COMMD8: variants seen among roughly 807,000 people sequenced by gnomAD.
COMMD8 encodes COMM domain containing 8, also known as COMM domain-containing protein 8.
COMMD8 carries 28 observed loss-of-function variants against 27.2 expected under a neutral mutation model. The observed-to-expected ratio is 1.03, with a 90% CI of 0.76 to 1.41. COMMD8 has a LOEUF of 1.41. Ranked by LOEUF, COMMD8 falls within the 40% of genes most tolerant of loss-of-function variation. The pLI is 0.00. For synonymous variants in COMMD8, 79 were observed against 75.5 expected (o/e 1.05, Z -0.24); for missense variants, 217 against 211.2 (o/e 1.03, Z -0.17).
chr4:47,462,645 T>C (rs570770198), intron 1 of COMMD8, among the ~76,000 whole-genome samples: 4 of 152,232 alleles, frequency 2.6e-5, no homozygotes, highest in South Asian at 4.1e-4. Flanking sequence ...CTTATCTAAA[T>C]GGGTAGAGTG....
rs1027067790 is a variant in COMMD8 at position 47,451,593 on chromosome 4, C to T, written c.*52G>A. On this transcript the variant is annotated 3_prime_UTR_variant, in exon 5 of 5. Coordinates refer to ENST00000381571, the MANE Select transcript of COMMD8 (RefSeq NM_017845.5). ...TCTGAACACGCAGTATTCACTCTGC[C>T]ATATAAGTTGGAGCAATAAAATCTG... 3.5e-6 allele frequency: 5 copies of T among 1,445,238 alleles called. No homozygotes were observed. Among genetic ancestry groups the T allele is most frequent in the Non-Finnish European group, 4.8e-6 (5 of 1,032,678 alleles). 89.5% of individuals were successfully genotyped at this position (1,445,238 alleles called of 1,614,324 possible).
At chr4:47,459,208 G>A (rs1308129599) in intron 2 of COMMD8, among the ~76,000 whole-genome samples, 1 of 152,004 alleles carries the variant, frequency 6.6e-6, no homozygotes, top group Non-Finnish European at 1.5e-5. Context: ...AGAGTAAAAA[G>A]GCAAGCACAT....
At chr4:47,459,266 A>C (rs1729961249) in intron 2 of COMMD8, among the ~76,000 whole-genome samples, 1 of 152,168 alleles carries the variant, frequency 6.6e-6, no homozygotes, top group Admixed American at 6.5e-5. Flanking sequence ...GCTTATATCC[A>C]GAATATCAAC....
At chr4:47,459,693 C>T (rs1181577543) in intron 2 of COMMD8, among the ~76,000 whole-genome samples, 1 of 152,066 alleles carries the variant, frequency 6.6e-6, no homozygotes, top group Non-Finnish European at 1.5e-5. Context: ...TGACACACCC[C>T]AAATAATTTC....
chr4:47,452,901 C>T (rs1258759622), intron 4 of COMMD8, among the ~76,000 whole-genome samples, 158 bp downstream of exon 4: 1 of 152,180 alleles, frequency 6.6e-6, no homozygotes, highest in Non-Finnish European at 1.5e-5. Context: ...GAGGCTCAGG[C>T]ACGAGAATCG....
chr4:47,461,429 C>G (rs1334713796), intron 1 of COMMD8, among the ~76,000 whole-genome samples: 1 of 152,068 alleles, frequency 6.6e-6, no homozygotes, highest in Non-Finnish European at 1.5e-5. Flanking sequence ...ATATACTATA[C>G]AAACTGAATT....
chr4:47,463,547 C>G (rs1459169707), intron 1 of COMMD8, 39 bp downstream of exon 1: 1 of 1,531,790 alleles, frequency 6.5e-7, no homozygotes, highest in Non-Finnish European at 8.8e-7. Context: ...TGTCGCGAAT[C>G]CCAGGCCCCG....
intron 3 of COMMD8, among the ~76,000 whole-genome samples, chr4:47,454,581 T>C (rs1262708478): frequency 1.3e-5 from 2 of 152,130 alleles, no homozygotes; most frequent in Non-Finnish European, 2.9e-5. Flanking sequence ...AGAACTGCAA[T>C]TCTGTCAGGC....
At chr4:47,459,042 C>G (rs1161598323) in intron 2 of COMMD8, among the ~76,000 whole-genome samples, 2 of 151,986 alleles carry the variant, frequency 1.3e-5, no homozygotes, top group African/African-American at 4.8e-5. Flanking sequence ...AAAGCTAAAA[C>G]AATCAAGCTT....
intron 3 of COMMD8, among the ~76,000 whole-genome samples, chr4:47,453,765 T>C (rs773866459): frequency 2.6e-5 from 4 of 152,214 alleles, no homozygotes; most frequent in Admixed American, 6.5e-5. Flanking sequence ...CCTAGGGGAA[T>C]TGGAAGAACC....
At chr4:47,461,075 G>A (rs2109358190) in intron 1 of COMMD8, among the ~76,000 whole-genome samples, 1 of 152,266 alleles carries the variant, frequency 6.6e-6, no homozygotes, top group African/African-American at 2.4e-5. Context: ...CTTGCTGTAA[G>A]GATGGAATAA....
chr4:47,460,752 C>T (rs1403899040), intron 1 of COMMD8, among the ~76,000 whole-genome samples: 1 of 152,068 alleles, frequency 6.6e-6, no homozygotes, highest in African/African-American at 2.4e-5. Context: ...GCAATTTTCC[C>T]ATCTCAGCCT....
chr4:47,459,613 A>C (rs1219850683), intron 2 of COMMD8, among the ~76,000 whole-genome samples: 1 of 152,178 alleles, frequency 6.6e-6, no homozygotes, highest in Non-Finnish European at 1.5e-5. Context: ...TATCAATGTA[A>C]AACACAATGC....
Position 47,456,582 on chromosome 4 carries a change from C to T in COMMD8, c.370G>A (p.Val124Ile). ...SAQLQDFDWQ[V>I]KLALSSDKIA... ...ACATACTCATAGACTCTTACCTTTACCTGCCAATCAAAATCCTGTAGCTGT... is the reference window on the plus strand; with the variant it reads ...ACATACTCATAGACTCTTACCTTTATCTGCCAATCAAAATCCTGTAGCTGT... The change falls in exon 3 of 5, where the codon GTA becomes ATA. Residue 124 changes from valine to isoleucine, a missense_variant. By Grantham distance (29) the Val-to-Ile change is conservative (BLOSUM62 3). Coordinates refer to ENST00000381571, the MANE Select transcript of COMMD8 (RefSeq NM_017845.5). The T allele has an allele frequency of 6.2e-7, 1 of 1,603,994 alleles. No individual in the cohort carries two copies.
chr4:47,453,880 A>G (rs1729819693), intron 3 of COMMD8, among the ~76,000 whole-genome samples: 1 of 152,210 alleles, frequency 6.6e-6, no homozygotes, highest in Admixed American at 6.5e-5. Context: ...AAAAATCCAC[A>G]AAAACTGAAT....
rs1729986258 is a variant in COMMD8, at chr4:47,460,152, C to T, written c.214G>A (p.Asp72Asn). Residue 72 changes from aspartate (D) to asparagine (N), a missense_variant, in exon 2 of 5, where the codon GAT becomes AAT. By Grantham distance (23) the Asp-to-Asn change is conservative. Transcript: ENST00000381571. ...ATGTGCAGAGAAGTTACCTCTTCATCAGGTAAGTTTTTACCAACTATGGCT... is the reference window on the plus strand; with the variant it reads ...ATGTGCAGAGAAGTTACCTCTTCATTAGGTAAGTTTTTACCAACTATGGCT... ...FKAIVGKNLPDEEIFQQLNQL... is the reference protein window; with the variant it reads ...FKAIVGKNLPNEEIFQQLNQL... 3 of 1,612,154 alleles carry T rather than the reference C, an allele frequency of 1.9e-6. No individual in the cohort carries two copies. Among genetic ancestry groups the T allele is most frequent in the Non-Finnish European group, 2.5e-6 (3 of 1,179,178 alleles).
intron 3 of COMMD8, among the ~76,000 whole-genome samples, chr4:47,454,637 G>A (rs954557299): frequency 2.6e-5 from 4 of 151,940 alleles, no homozygotes; most frequent in Non-Finnish European, 4.4e-5. Context: ...AGGCTGAGGT[G>A]GGCAGATCAC....
At chr4:47,460,635 A>G (rs1038438789) in intron 1 of COMMD8, among the ~76,000 whole-genome samples, 1 of 152,176 alleles carries the variant, frequency 6.6e-6, no homozygotes, top group Non-Finnish European at 1.5e-5. Context: ...CTCTTACTGT[A>G]GGCCTATAAG....
chr4:47,456,262 TTATACATA>T (rs1182724001), intron 3 of COMMD8, among the ~76,000 whole-genome samples: 25 of 80,860 alleles, frequency 3.1e-4, no homozygotes, highest in Admixed American at 1.1e-3. Context: ...AATAAATAAA[TTATACATA>T]TATATATATA....
Sources: gnomAD v4.1 joint callset for allele counts (sites outside exome capture counted in the v4.1 genomes callset) on GRCh38, gnomAD v4.1.1 for gene constraint, MANE v1.5 for transcripts, NCBI Gene and HGNC (gene_info 2026-07-23, HGNC 2026-07-21) for gene names.